The following TRIO variants were observed in gnomAD, a reference collection of about 807,000 sequenced individuals.
The protein encoded by TRIO is triple functional domain protein.
A neutral mutation model predicts 351.9 loss-of-function variants in TRIO; 58 were observed. That is an observed-to-expected ratio of 0.16 (90% CI 0.13 to 0.21). TRIO has a LOEUF of 0.21. TRIO is among the 10% of genes least tolerant of loss of function. The pLI is 1.00. For missense variants in TRIO, 3,201 were observed against 4,027.8 expected (o/e 0.79, Z 5.56); for synonymous variants, 1,758 against 1,595.7 (o/e 1.10, Z -2.42).
chr5:14,298,413 G>C (rs1402961216), intron 7 of TRIO, among the ~76,000 whole-genome samples: 1 of 152,224 alleles, frequency 6.6e-6, no homozygotes, highest in Non-Finnish European at 1.5e-5. Flanking sequence ...ATATGGGGTA[G>C]AGGAAAATGG....
At chr5:14,164,161 G>A (rs985332720) in intron 1 of TRIO, among the ~76,000 whole-genome samples, 1 of 152,160 alleles carries the variant, frequency 6.6e-6, no homozygotes, top group Non-Finnish European at 1.5e-5. Flanking sequence ...ACATTCACGT[G>A]ACTTAAATTC....
chr5:14,432,955 A>T (rs893940884), intron 34 of TRIO, among the ~76,000 whole-genome samples: 1 of 152,196 alleles, frequency 6.6e-6, no homozygotes, highest in African/African-American at 2.4e-5. Flanking sequence ...ATGGGACATC[A>T]AAAGCACATG....
At chr5:14,267,235 C>A (rs1017398262) in intron 1 of TRIO, among the ~76,000 whole-genome samples, 1 of 151,838 alleles carries the variant, frequency 6.6e-6, no homozygotes, top group African/African-American at 2.4e-5. Context: ...TTTGTGGCAC[C>A]CCCTTCCACC....
intron 1 of TRIO, among the ~76,000 whole-genome samples, chr5:14,169,016 G>A (rs1348537649): frequency 2.0e-5 from 3 of 152,144 alleles, no homozygotes; most frequent in Non-Finnish European, 4.4e-5. Context: ...CCTCTACTTA[G>A]GGGATTAGTT....
intron 1 of TRIO, among the ~76,000 whole-genome samples, chr5:14,144,607 C>T (rs1448461105): frequency 1.3e-5 from 2 of 151,600 alleles, no homozygotes; most frequent in Non-Finnish European, 3.0e-5. Flanking sequence ...GGGGCTGGGG[C>T]TCGCGGGGCA....
chr5:14,231,456 T>G (rs1221083694), intron 1 of TRIO, among the ~76,000 whole-genome samples: 1 of 152,226 alleles, frequency 6.6e-6, no homozygotes, highest in African/African-American at 2.4e-5. Flanking sequence ...ATACATTTTA[T>G]TATTGGACCC....
chr5:14,287,339 G>C (rs1175925027), intron 4 of TRIO, among the ~76,000 whole-genome samples: 1 of 152,186 alleles, frequency 6.6e-6, no homozygotes, highest in Non-Finnish European at 1.5e-5. Context: ...AAGCTTGCTG[G>C]CTGCCTTATA....
At chr5:14,228,632 A>G (rs1038786057) in intron 1 of TRIO, among the ~76,000 whole-genome samples, 11 of 152,234 alleles carry the variant, frequency 7.2e-5, no homozygotes, top group African/African-American at 2.7e-4. Flanking sequence ...GGCACAAATC[A>G]TATCATTTTG....
chr5:14,293,141 C>T lies in TRIO; in HGVS notation c.1176+7C>T. Reference sequence around the variant, plus strand: ...CTTTGCCATGAACTGTATGGTAAGACACTCGGAACAGCTGGACCCTGGCAT... The same window carrying T: ...CTTTGCCATGAACTGTATGGTAAGATACTCGGAACAGCTGGACCCTGGCAT... On this transcript the variant is annotated splice_region_variant and intron_variant, in intron 6 of 56. Coordinates refer to ENST00000344204, the MANE Select transcript of TRIO (RefSeq NM_007118.4). 6.2e-7 allele frequency: 1 copy of T among 1,614,076 alleles called. No homozygotes were observed.
At position 14,366,926 on chromosome 5, in the gene TRIO, C is replaced by G; in HGVS notation, c.2821C>G (p.Gln941Glu). ...CGGACTTATCACAGCCAGCTCGTTA[C>G]AAGAGGCAGAGCAGCTCCAGCGAGA... ...NAGLITASSL[Q>E]EAEQLQREHE... The change falls in exon 16 of 57, where the codon CAA (glutamine) becomes GAA (glutamate). Residue 941 changes from glutamine (Q) to glutamate (E), a missense_variant. By Grantham distance (29) the Gln-to-Glu change is conservative. This residue lies in a region of TRIO where 363 missense variants were observed against 553.5 expected (regional missense o/e 0.66). Transcript: ENST00000344204. The G allele has an allele frequency of 6.2e-7, 1 of 1,614,200 alleles. No homozygotes were observed. The highest frequency in any genetic ancestry group is 8.5e-7 in the Non-Finnish European group (1 of 1,180,042).
rs1056110989 is a variant in TRIO at position 14,387,444 on chromosome 5, A to G, written c.3577A>G (p.Lys1193Glu). The change falls in exon 22 of 57, where the codon AAA becomes GAA. Residue 1193 changes from lysine to glutamate, a missense_variant. Transcript: ENST00000344204. ...TTCCTGTTGTTTTTTGCAGCAAACC[A>G]AAGAGAGAGTGAAGCTATTGATACA... ...EEFQITAKQT[K>E]ERVKLLIQLA... 5 of 1,606,360 alleles carry G rather than the reference A, an allele frequency of 3.1e-6. No homozygotes were observed. The highest frequency in any genetic ancestry group is 4.3e-6 in the Non-Finnish European group (5 of 1,175,832).
intron 1 of TRIO, among the ~76,000 whole-genome samples, chr5:14,213,265 A>G (rs544017622): frequency 6.6e-6 from 1 of 151,866 alleles, no homozygotes; most frequent in East Asian, 1.9e-4. Flanking sequence ...TTCTCTCTCA[A>G]AAGTTATTTC....
chr5:14,438,895 A>T (rs1751806522), intron 34 of TRIO, among the ~76,000 whole-genome samples: 2 of 152,208 alleles, frequency 1.3e-5, no homozygotes, highest in South Asian at 4.1e-4. Context: ...CCCATCTGAC[A>T]CGCTCTGCAG....
At chr5:14,255,567 TG>T (rs1794980585) in intron 1 of TRIO, among the ~76,000 whole-genome samples, 1 of 152,220 alleles carries the variant, frequency 6.6e-6, no homozygotes, top group African/African-American at 2.4e-5. Context: ...TCTGAAATGC[TG>T]GGCACCAGAA....
chr5:14,425,148 C>T (rs1316210285), intron 34 of TRIO, among the ~76,000 whole-genome samples: 3 of 152,192 alleles, frequency 2.0e-5, no homozygotes, highest in African/African-American at 7.2e-5. Context: ...GTTATGCAGC[C>T]GTCATTACCA....
chr5:14,327,885 G>A (rs1740528695), intron 9 of TRIO, among the ~76,000 whole-genome samples: 1 of 152,222 alleles, frequency 6.6e-6, no homozygotes, highest in South Asian at 2.1e-4. Context: ...CATTTCTTTA[G>A]CCGTGGAATG....
At chr5:14,284,119 C>CT (rs1356783779) in intron 3 of TRIO, among the ~76,000 whole-genome samples, 2 of 152,146 alleles carry the variant, frequency 1.3e-5, no homozygotes, top group East Asian at 3.8e-4. Context: ...TAAGAAGATA[C>CT]TTTCTTCCTC....
chr5:14,400,992 T>C lies in TRIO; in HGVS notation c.4644T>C (p.Val1548=). 2.5e-6 allele frequency: 4 copies of C among 1,614,152 alleles called. No individual in the cohort carries two copies. The highest frequency in any genetic ancestry group is 1.1e-5 in the South Asian group (1 of 91,062). Residue 1548 remains valine (V), a synonymous_variant, in exon 31 of 57, where the codon GTT becomes GTC. Transcript: ENST00000344204. ...CAGAGTTGGGTGTCACAGAACATGT[T>C]GAAGGAGACCCTTGCAAATTTGCAC... is the stretch of plus-strand genomic sequence containing the variant. The part of the protein sequence containing the change: ...FTSELGVTEH[V]EGDPCKFALW...
intron 49 of TRIO, among the ~76,000 whole-genome samples, chr5:14,495,695 G>A (rs186045331): frequency 2.6e-4 from 38 of 148,524 alleles, no homozygotes; most frequent in Non-Finnish European, 4.0e-4. Flanking sequence ...AAGGCCAGGC[G>A]TGGTGGCTCA....
Sources: allele counts gnomAD v4.1 joint callset (sites outside exome capture counted in the v4.1 genomes callset), GRCh38; gene constraint gnomAD v4.1.1; regional missense constraint gnomAD v4.1.1; transcripts MANE v1.5; gene names NCBI Gene and HGNC (gene_info 2026-07-23, HGNC 2026-07-21).